Variants in FMN1 observed in about 807,000 individuals in gnomAD.
The protein encoded by FMN1 is formin 1.
FMN1 carries 110 observed loss-of-function variants against 132.4 expected under a neutral mutation model. That is an observed-to-expected ratio of 0.83 (90% CI 0.71 to 0.97). The LOEUF (loss-of-function observed/expected upper bound fraction) is 0.97. FMN1 is among the 50% of genes least tolerant of loss of function. The pLI is 0.00. For missense variants in FMN1, 1,792 were observed against 1,705.3 expected, an observed-to-expected ratio of 1.05 and a Z score of -0.90; for synonymous variants, 722 against 651.7, an observed-to-expected ratio of 1.11 and a Z score of -1.64.
In FMN1 at chr15:33,144,633, G is replaced by A. The variant is rs553629168; in HGVS notation, c.1867+8415C>T. On this transcript the variant is annotated intron_variant, in intron 4 of 20. Transcript: ENST00000616417. The stretch of plus-strand genomic sequence containing the variant: ...AGCCTGGGCGACAGAGCTAGACTCC[G>A]TCTGAAAAAAAAAAAAAAAAAAAGA... Among the ~76,000 whole-genome samples, 648 of 81,964 alleles carry A rather than the reference G, an allele frequency of 7.9e-3. 9 individuals carry two copies. Among genetic ancestry groups the A allele is most frequent in the African/African-American group, 0.026 (604 of 23,672 alleles). The allele number at this position is 81,964 out of a possible 152,430, so 53.8% of individuals were successfully genotyped here. A position where few individuals can be genotyped will look rare whatever the true frequency, so the allele number is the denominator to read the frequency against.
At position 32,892,016 on chromosome 15, in the gene FMN1, ACTC is replaced by A. The variant is rs368667946; in HGVS notation, c.3715-3727_3715-3725del. Among the ~76,000 whole-genome samples, 646 of 152,002 alleles carry A rather than the reference ACTC, an allele frequency of 4.2e-3. 2 individuals carry two copies. The highest frequency in any genetic ancestry group is 0.015 in the African/African-American group (615 of 41,442). ...TCATCAGCAAACAGTGACAGTTTGA[ACTC>A]CTCTTTACTGATTTGGATGCCCTTC... On this transcript the variant is annotated intron_variant, in intron 15 of 20. Transcript: ENST00000616417.
At chr15:33,158,294 G>A (rs1317389068) in intron 3 of FMN1, among the ~76,000 whole-genome samples, 1 of 152,010 alleles carries the variant, frequency 6.6e-6, no homozygotes, top group Non-Finnish European at 1.5e-5. Context: ...TATAAGTCTT[G>A]GTTATGTAAA....
chr15:32,815,408 T>C (rs2058027552), intron 17 of FMN1, among the ~76,000 whole-genome samples: 1 of 152,190 alleles, frequency 6.6e-6, no homozygotes, highest in South Asian at 2.1e-4. Context: ...CTAGCTTCTT[T>C]GGGTTTCCCA....
At chr15:32,913,891 A>T (rs918689272) in intron 10 of FMN1, among the ~76,000 whole-genome samples, 2 of 152,144 alleles carry the variant, frequency 1.3e-5, no homozygotes, top group African/African-American at 4.8e-5. Flanking sequence ...ATGGGAGGAA[A>T]AGCTTCTTGA....
chr15:33,104,033 G>A (rs1172903458), intron 4 of FMN1, among the ~76,000 whole-genome samples: 2 of 152,070 alleles, frequency 1.3e-5, no homozygotes, highest in East Asian at 3.8e-4. Context: ...GGAAGGAACT[G>A]ATCCTTAAAG....
chr15:32,850,981 C>T (rs1293379137), intron 17 of FMN1, among the ~76,000 whole-genome samples: 4 of 151,912 alleles, frequency 2.6e-5, no homozygotes, highest in Non-Finnish European at 5.9e-5. Flanking sequence ...TGGCGTGAAC[C>T]CGGGAGGCAG....
intron 4 of FMN1, among the ~76,000 whole-genome samples, chr15:33,128,875 G>C (rs556661418): frequency 5.3e-5 from 8 of 152,282 alleles, no homozygotes; most frequent in African/African-American, 1.9e-4. Context: ...GCCTGCGTGC[G>C]TGGCCAGCTT....
At chr15:32,859,819 T>C (rs1270553905) in intron 16 of FMN1, among the ~76,000 whole-genome samples, 1 of 152,116 alleles carries the variant, frequency 6.6e-6, no homozygotes, top group East Asian at 1.9e-4. Flanking sequence ...GGAGGATCAC[T>C]TGAGGCCAGG....
chr15:32,811,461 C>G (rs1244953577), intron 17 of FMN1, among the ~76,000 whole-genome samples: 1 of 151,902 alleles, frequency 6.6e-6, no homozygotes, highest in Non-Finnish European at 1.5e-5. Context: ...GACTAGGAAA[C>G]TAGGCTTTTG....
Position 33,194,674 on chromosome 15 carries a change from C to T in FMN1, c.-445G>A, listed in dbSNP as rs1036936028. Reference sequence around the variant, plus strand: ...GCAACAGCCGTGGCGGCTGCAGCCTCGAAGGATGCTGCGCTCCAGTCCAGA... The same window carrying T: ...GCAACAGCCGTGGCGGCTGCAGCCTTGAAGGATGCTGCGCTCCAGTCCAGA... On this transcript the variant is annotated 5_prime_UTR_variant, in exon 1 of 21. Transcript: ENST00000616417. 5 of 152,274 alleles carry T rather than the reference C, an allele frequency of 3.3e-5. No individual in the cohort carries two copies. The highest frequency in any genetic ancestry group is 7.2e-5 in the African/African-American group (3 of 41,464). The allele number at this position is 152,274 out of a possible 1,614,324, so 9.4% of individuals were successfully genotyped here.
intron 4 of FMN1, among the ~76,000 whole-genome samples, chr15:33,135,363 A>C (rs769652884): frequency 6.6e-6 from 1 of 152,142 alleles, no homozygotes; most frequent in Non-Finnish European, 1.5e-5. Context: ...GAGAATATTG[A>C]TTTTGCAATG....
chr15:32,974,751 T>C (rs2032065187), intron 7 of FMN1, among the ~76,000 whole-genome samples: 1 of 152,174 alleles, frequency 6.6e-6, no homozygotes. Flanking sequence ...ACAGCTGAGA[T>C]AGTAAAACAA....
At chr15:33,071,240 T>C (rs190803149) in intron 5 of FMN1, among the ~76,000 whole-genome samples, 67 of 152,266 alleles carry the variant, frequency 4.4e-4, no homozygotes, top group African/African-American at 1.2e-3. Context: ...ATCTACAAGT[T>C]TTCTTAGGAA....
intron 3 of FMN1, among the ~76,000 whole-genome samples, chr15:33,177,030 A>G: frequency 6.6e-6 from 1 of 152,156 alleles, no homozygotes; most frequent in East Asian, 1.9e-4. Context: ...CGTACTGGCC[A>G]CTCTTCCAAG....
chr15:33,080,904 T>C (rs547122095), intron 5 of FMN1, among the ~76,000 whole-genome samples: 2 of 150,982 alleles, frequency 1.3e-5, no homozygotes, highest in East Asian at 3.9e-4. Context: ...AAAAAAAAAT[T>C]CCAGAGACTA....
chr15:33,024,880 C>T (rs1015491298), intron 6 of FMN1, among the ~76,000 whole-genome samples: 1 of 152,072 alleles, frequency 6.6e-6, no homozygotes, highest in African/African-American at 2.4e-5. Context: ...TGATATTATG[C>T]AGATATTAAC....
chr15:33,155,644 A>G (rs548419852), intron 3 of FMN1, among the ~76,000 whole-genome samples: 1 of 152,308 alleles, frequency 6.6e-6, no homozygotes, highest in East Asian at 1.9e-4. Flanking sequence ...TCAAGTCTTA[A>G]TCAAGTTTTG....
intron 5 of FMN1, among the ~76,000 whole-genome samples, chr15:33,073,738 T>G (rs2038089483): frequency 6.6e-6 from 1 of 151,814 alleles, no homozygotes; most frequent in African/African-American, 2.4e-5. Flanking sequence ...GCTTGTTTTT[T>G]TTTTTTTTTT....
At chr15:32,850,766 T>C (rs2058989796) in intron 17 of FMN1, among the ~76,000 whole-genome samples, 1 of 152,260 alleles carries the variant, frequency 6.6e-6, no homozygotes, top group South Asian at 2.1e-4. Flanking sequence ...ACTGCTTTTG[T>C]TTATTTTAAA....
Sources: allele counts gnomAD v4.1 joint callset (sites outside exome capture counted in the v4.1 genomes callset), GRCh38; gene constraint gnomAD v4.1.1; transcripts MANE v1.5; gene names NCBI Gene and HGNC (gene_info 2026-07-23, HGNC 2026-07-21).